Variants in SNX29 observed in about 807,000 individuals in gnomAD.
The protein encoded by SNX29 is sorting nexin 29, also known as sorting nexin-29.
Under a neutral mutation model 102.1 loss-of-function variants are expected in SNX29, and 78 were observed. The observed-to-expected ratio is 0.76, with a 90% confidence interval of 0.64 to 0.92. SNX29 has a LOEUF of 0.92. Among genes scored for constraint, SNX29 ranks in the 40% least tolerant of loss-of-function variants. The pLI, the probability that SNX29 is intolerant of heterozygous loss-of-function variation, is 0.00. For missense variants in SNX29, 1,280 were observed against 1,061.7 expected (o/e 1.21, Z -2.86); for synonymous variants, 580 against 414.5 (o/e 1.40, Z -4.85).
In SNX29 at chr16:12,364,156, C is replaced by CT. The variant is rs1213991487; in HGVS notation, c.1899+7879dup. On this transcript the variant is annotated intron_variant, in intron 16 of 20. Transcript: ENST00000566228. ...TACAGGTGTGCGCCACCAAGCCTGG[C>CT]TTGTTTGTTATGTTATGTTATGTTA... 2.3e-3 allele frequency among the ~76,000 whole-genome samples: 232 copies of CT among 102,724 alleles called. 1 individual carries two copies. The highest frequency in any genetic ancestry group is 9.2e-3 in the African/African-American group (224 of 24,396). The allele number at this position is 102,724 out of a possible 152,430, so 67.4% of individuals were successfully genotyped here.
intron 19 of SNX29, among the ~76,000 whole-genome samples, chr16:12,505,442 T>C (rs1475552857): frequency 1.3e-5 from 2 of 152,240 alleles, no homozygotes; most frequent in Non-Finnish European, 2.9e-5. Context: ...TGAGAGTTTA[T>C]TTCTAGAATT....
intron 19 of SNX29, among the ~76,000 whole-genome samples, chr16:12,506,767 G>A (rs62030401): frequency 1.3e-5 from 2 of 152,270 alleles, no homozygotes; most frequent in East Asian, 3.9e-4. Flanking sequence ...GACAGCTGAG[G>A]AGGTGGAATC....
intron 19 of SNX29, among the ~76,000 whole-genome samples, chr16:12,479,820 T>C (rs1275456564): frequency 6.6e-6 from 1 of 152,152 alleles, no homozygotes; most frequent in Non-Finnish European, 1.5e-5. Flanking sequence ...CTTCACGGAA[T>C]CTGCCTGTGT....
intron 5 of SNX29, among the ~76,000 whole-genome samples, chr16:12,044,156 T>G (rs2049996520): frequency 6.6e-6 from 1 of 152,218 alleles, no homozygotes; most frequent in Non-Finnish European, 1.5e-5. Context: ...GTTCCTTAAG[T>G]AACTTCCCCA....
chr16:12,563,963 G>A (rs114539014), intron 20 of SNX29, among the ~76,000 whole-genome samples: 2,260 of 151,648 alleles, frequency 0.015, 57 homozygotes, highest in African/African-American at 0.051. Context: ...GACGAGGAAG[G>A]GCTTTTCAGA....
chr16:12,094,425 T>G (rs370540543), intron 11 of SNX29, among the ~76,000 whole-genome samples: 1 of 152,136 alleles, frequency 6.6e-6, no homozygotes, highest in Non-Finnish European at 1.5e-5. Flanking sequence ...TGCAAATAGG[T>G]TGACCTGATT....
At position 12,570,593 on chromosome 16, in the gene SNX29, C is replaced by A. The variant is rs2079166744; in HGVS notation, c.*1964C>A. 4.3e-6 allele frequency: 1 copy of A among 232,014 alleles called. No homozygotes were observed. Among genetic ancestry groups the A allele is most frequent in the South Asian group, 1.8e-4 (1 of 5,506 alleles). 14.4% of individuals were successfully genotyped at this position (232,014 alleles called of 1,614,324 possible). ...AGTGCCTCCCTGGCCTGGGTAGCTA[C>A]CCTGGAGGTCATCTCCCTGTTCTCT... On this transcript the variant is annotated 3_prime_UTR_variant, in exon 21 of 21. Transcript: ENST00000566228.
intron 15 of SNX29, among the ~76,000 whole-genome samples, chr16:12,341,677 G>A (rs1187489082): frequency 6.6e-6 from 1 of 152,208 alleles, no homozygotes; most frequent in African/African-American, 2.4e-5. Context: ...AGTGTTACAG[G>A]GAAGGGATGG....
chr16:12,572,921 T>G lies in SNX29; in HGVS notation c.*4292T>G, dbSNP rs1334831378. 12 of 961,162 alleles carry G rather than the reference T, an allele frequency of 1.2e-5. No individual in the cohort carries two copies. In the East Asian group the frequency reaches 5.7e-4, roughly 45 times the overall value. The allele number at this position is 961,162 out of a possible 1,614,324, so 59.5% of individuals were successfully genotyped here. ...GCTCGGAATCACGGCAGACTTGGAGTGTTTCTTCAAGGCAGGCATCTGCTT... is the reference window on the plus strand; with the variant it reads ...GCTCGGAATCACGGCAGACTTGGAGGGTTTCTTCAAGGCAGGCATCTGCTT... On this transcript the variant is annotated 3_prime_UTR_variant, in exon 21 of 21. Coordinates refer to ENST00000566228, the MANE Select transcript of SNX29 (RefSeq NM_032167.5).
At chr16:12,527,116 T>A in intron 20 of SNX29, 1 of 472,084 alleles carries the variant, frequency 2.1e-6, no homozygotes, top group Admixed American at 2.8e-5. Flanking sequence ...GCTCTTTGGC[T>A]TTCCTCACTG....
At chr16:12,526,630 C>T in intron 20 of SNX29, 1 of 532,262 alleles carries the variant, frequency 1.9e-6, no homozygotes, top group East Asian at 3.9e-5. Context: ...CCCCATGGCC[C>T]AGGGTGCACG....
chr16:12,127,495 C>T (rs1237523200), intron 12 of SNX29, among the ~76,000 whole-genome samples: 1 of 149,328 alleles, frequency 6.7e-6, no homozygotes, highest in African/African-American at 2.5e-5. Flanking sequence ...GATCTCTGCT[C>T]ACTGCAACCT....
intron 20 of SNX29, chr16:12,545,611 G>C (rs1384635884): frequency 2.0e-5 from 3 of 152,228 alleles, no homozygotes; most frequent in Admixed American, 2.0e-4. Context: ...GGTACAGAAA[G>C]CAAGGGTCTG....
At chr16:12,431,810 A>G (rs887439549) in intron 18 of SNX29, among the ~76,000 whole-genome samples, 2 of 152,252 alleles carry the variant, frequency 1.3e-5, no homozygotes, top group Non-Finnish European at 2.9e-5. Flanking sequence ...TGCTCACGAC[A>G]TAGCTTTAGC....
rs150373937 is a variant in SNX29, at chr16:12,548,212, G to A, written c.2319-20294G>A. Among the ~76,000 whole-genome samples the A allele has an allele frequency of 6.1e-3, 936 of 152,258 alleles. 14 individuals carry two copies. The highest frequency in any genetic ancestry group is 0.022 in the African/African-American group (896 of 41,548). On this transcript the variant is annotated intron_variant, in intron 20 of 20. Coordinates refer to ENST00000566228, the MANE Select transcript of SNX29 (RefSeq NM_032167.5). ...CCCACAGCGCCTCCCACAAGGCCAC[G>A]CTGGATCCTGCCACAGTGTTAGGTT... is the stretch of plus-strand genomic sequence containing the variant.
chr16:12,420,886 C>G (rs544121156), intron 18 of SNX29, among the ~76,000 whole-genome samples: 43 of 152,322 alleles, frequency 2.8e-4, no homozygotes, highest in Non-Finnish European at 5.1e-4. Flanking sequence ...GAGGGAGCCA[C>G]CAGCGCTGCT....
intron 3 of SNX29, among the ~76,000 whole-genome samples, chr16:12,018,832 C>T (rs2056928927): frequency 6.6e-6 from 1 of 151,256 alleles, no homozygotes; most frequent in African/African-American, 2.4e-5. Flanking sequence ...AAGCTGTTCT[C>T]CTGCCGATGC....
chr16:12,552,644 G>A (rs1191682656), intron 20 of SNX29, among the ~76,000 whole-genome samples: 3 of 152,204 alleles, frequency 2.0e-5, no homozygotes, highest in Non-Finnish European at 4.4e-5. Context: ...ACAAATGGAA[G>A]GATTGCAATG....
At chr16:12,457,366 C>T (rs2086584808) in intron 18 of SNX29, among the ~76,000 whole-genome samples, 1 of 152,188 alleles carries the variant, frequency 6.6e-6, no homozygotes, top group African/African-American at 2.4e-5. Context: ...GCAGTTCCCA[C>T]AGCCTGCACT....
Sources: gnomAD v4.1 joint callset for allele counts (sites outside exome capture counted in the v4.1 genomes callset) on GRCh38, gnomAD v4.1.1 for gene constraint, MANE v1.5 for transcripts, NCBI Gene and HGNC (gene_info 2026-07-23, HGNC 2026-07-21) for gene names.